MYO7B: variants seen among roughly 807,000 people sequenced by gnomAD.
MYO7B encodes unconventional myosin-VIIb.
Under a neutral mutation model 259.7 loss-of-function variants are expected in MYO7B, and 212 were observed. The ratio of observed to expected loss-of-function variants is 0.82; its 90% CI spans 0.73 to 0.91. The LOEUF is 0.91. Among genes scored for constraint, MYO7B ranks in the 40% least tolerant of loss-of-function variants. The pLI is 0.00. For synonymous variants in MYO7B, 1,197 were observed against 1,166.4 expected, an observed-to-expected ratio of 1.03 and a Z score of -0.54; for missense variants, 2,732 against 2,813.5, an observed-to-expected ratio of 0.97 and a Z score of 0.66.
At chr2:127,536,479 T>TGGGGGGGGGGGGGGGGGGGGGGGGG in intron 1 of MYO7B, among the ~76,000 whole-genome samples, 1 of 27,066 alleles carries the variant, frequency 3.7e-5, no homozygotes, top group East Asian at 1.3e-3. Context: ...GGGGGGGGGG[T>TGGGGGGGGGGGGGGGGGGGGGGGGG]GGGGGAAGAG....
intron 29 of MYO7B, 68 bp downstream of exon 29, chr2:127,623,443 A>C: frequency 3.5e-6 from 5 of 1,441,778 alleles, no homozygotes; most frequent in Non-Finnish European, 4.6e-6. Flanking sequence ...CCTGAGGCTC[A>C]AGCCCTCTCA....
Position 127,611,111 on chromosome 2 carries a change from G to A in MYO7B, c.3192+1095G>A, listed in dbSNP as rs1321233009. On this transcript the variant is annotated intron_variant, in intron 24 of 47. Coordinates refer to ENST00000409816, the MANE Select transcript of MYO7B (RefSeq NM_001393586.1). The surrounding 1 kb of genome is among the most constrained non-coding windows in gnomAD (Gnocchi z 5.4). ...ACAGCTGGAGGGGCTGCTCCTAAGA[G>A]GGCTCACTCACATGGCTGTTGGTGG... Among the ~76,000 whole-genome samples the A allele has an allele frequency of 6.6e-6, 1 of 152,240 alleles. No individual in the cohort carries two copies. Among genetic ancestry groups the A allele is most frequent in the African/African-American group, 2.4e-5 (1 of 41,464 alleles).
At position 127,634,673 on chromosome 2, in the gene MYO7B, C is replaced by G; in HGVS notation, c.5703C>G (p.Pro1901=). The G allele has an allele frequency of 6.2e-6, 10 of 1,612,144 alleles. No homozygotes were observed. Among genetic ancestry groups the G allele is most frequent in the Non-Finnish European group, 8.5e-6 (10 of 1,179,120 alleles). Residue 1901 remains proline, a synonymous_variant, in exon 42 of 48, where the codon CCC becomes CCG. Transcript: ENST00000409816. ...CTGACTGGGTGAAGAAGAACAAGCC[C>G]CAGAAAGAAGGTGAGGAGGCCTCTG... ...EVSDWVKKNK[P]QKEGAPVTLP... is the part of the protein sequence containing the mutation.
At chr2:127,604,830 T>C (rs776945878) in intron 19 of MYO7B, among the ~76,000 whole-genome samples, 142 of 152,310 alleles carry the variant, frequency 9.3e-4, no homozygotes, top group South Asian at 1.9e-3. Context: ...TCCCATCTTA[T>C]ATGGGTGCAG....
intron 19 of MYO7B, among the ~76,000 whole-genome samples, chr2:127,604,259 A>G (rs1358955317): frequency 6.6e-6 from 1 of 152,242 alleles, no homozygotes; most frequent in East Asian, 1.9e-4. Flanking sequence ...CTTTTATGTT[A>G]TAGAAGTGGC....
intron 1 of MYO7B, among the ~76,000 whole-genome samples, chr2:127,537,711 G>GAGGAGA (rs1692843177): frequency 2.0e-5 from 3 of 151,752 alleles, no homozygotes; most frequent in East Asian, 1.9e-4. Flanking sequence ...GGAGGAGGGG[G>GAGGAGA]AGGAGAAGGA....
At chr2:127,582,495 T>G in intron 12 of MYO7B, 49 bp downstream of exon 12, 1 of 1,598,242 alleles carries the variant, frequency 6.3e-7, no homozygotes, top group Non-Finnish European at 8.5e-7. Context: ...AAACAGAAGA[T>G]AAGCAGCTCC....
intron 1 of MYO7B, among the ~76,000 whole-genome samples, chr2:127,554,220 G>A (rs942586327): frequency 5.9e-5 from 9 of 151,968 alleles, no homozygotes; most frequent in South Asian, 4.2e-4. Flanking sequence ...GATTACAGGC[G>A]TGTGCCACCA....
intron 24 of MYO7B, among the ~76,000 whole-genome samples, chr2:127,610,248 G>A (rs906845840): frequency 1.3e-5 from 2 of 152,108 alleles, no homozygotes; most frequent in African/African-American, 2.4e-5. Flanking sequence ...AGTCATTAAC[G>A]GAGAGGGTGC....
chr2:127,545,901 C>A (rs1693210004), intron 1 of MYO7B, among the ~76,000 whole-genome samples: 1 of 152,220 alleles, frequency 6.6e-6, no homozygotes, highest in South Asian at 2.1e-4. Context: ...TTTCTGGGGT[C>A]CAACTGGGGC....
intron 2 of MYO7B, among the ~76,000 whole-genome samples, 158 bp from the exon 3 acceptor site, chr2:127,563,991 GAGAA>G (rs1240235229): frequency 2.0e-5 from 3 of 152,200 alleles, no homozygotes; most frequent in Non-Finnish European, 2.9e-5. Context: ...AGTGAGCAGG[GAGAA>G]AGAGAGATGG....
intron 19 of MYO7B, among the ~76,000 whole-genome samples, chr2:127,605,332 C>T (rs1291089574): frequency 1.3e-5 from 2 of 152,240 alleles, no homozygotes; most frequent in Non-Finnish European, 2.9e-5. Context: ...CACAGTGGCT[C>T]ACGCCTGTAA....
rs1680498483 is a variant in MYO7B at position 127,614,472 on chromosome 2, T to G, written c.3398+1869T>G. 6.6e-6 allele frequency among the ~76,000 whole-genome samples: 1 copy of G among 152,168 alleles called. No homozygotes were observed. The highest frequency in any genetic ancestry group is 1.5e-5 in the Non-Finnish European group (1 of 68,028). On this transcript the variant is annotated intron_variant, in intron 26 of 47. Coordinates refer to ENST00000409816, the MANE Select transcript of MYO7B (RefSeq NM_001393586.1). The surrounding 1 kb of genome is among the most constrained non-coding windows in gnomAD (Gnocchi z 4.6). ...CCTCTCTCCTCCTTGCCCATCAGGA[T>G]GGGCTCAGAATTCTCCAGGAACAAG...
chr2:127,544,823 A>T (rs1213729089), intron 1 of MYO7B, among the ~76,000 whole-genome samples: 1 of 149,228 alleles, frequency 6.7e-6, no homozygotes, highest in East Asian at 2.0e-4. Flanking sequence ...CTCGTGATCC[A>T]CCCGCCTCGG....
Position 127,636,617 on chromosome 2 carries a change from C to T in MYO7B, c.6196C>T (p.Pro2066Ser). The T allele has an allele frequency of 1.2e-6, 2 of 1,612,530 alleles. No individual in the cohort carries two copies. The highest frequency in any genetic ancestry group is 1.7e-6 in the Non-Finnish European group (2 of 1,179,264). The change falls in exon 46 of 48, where the codon CCC becomes TCC. Residue 2066 changes from proline (P) to serine (S), a missense_variant. Pro to Ser is a moderately conservative substitution (Grantham distance 74). This residue lies in a region of MYO7B where 821 missense variants were observed against 769.3 expected (regional missense o/e 1.07). Transcript: ENST00000409816. This position sits in a 1 kb window ranked among gnomAD's most constrained non-coding sequence, Gnocchi z 4.5. ...CCGACATGGGGTTCTGCTCATCCAC[C>T]CCAAGACCAAGGTAGCTGCTGGGCC... ...INRHGVLLIH[P>S]KTKDLLTTYP...
chr2:127,564,303 C>T (rs774983032), intron 3 of MYO7B, 37 bp downstream of exon 3: 1 of 1,477,878 alleles, frequency 6.8e-7, no homozygotes. Flanking sequence ...CCCTGCCCTG[C>T]CCTCACATCC....
At chr2:127,565,587 A>G (rs1186742400) in intron 4 of MYO7B, among the ~76,000 whole-genome samples, 1 of 152,230 alleles carries the variant, frequency 6.6e-6, no homozygotes, top group Non-Finnish European at 1.5e-5. Flanking sequence ...GAGGAAGCCA[A>G]TGCGTAGAGT....
chr2:127,619,260 C>T (rs1239393914), intron 26 of MYO7B, among the ~76,000 whole-genome samples: 83 of 70,414 alleles, frequency 1.2e-3, no homozygotes, highest in African/African-American at 4.8e-3. Context: ...GGGTTGTGGC[C>T]AGTTGGATGG....
intron 5 of MYO7B, among the ~76,000 whole-genome samples, chr2:127,568,646 C>T (rs771232748): frequency 4.6e-5 from 7 of 152,190 alleles, no homozygotes; most frequent in Non-Finnish European, 1.0e-4. Context: ...CTTGTAATCC[C>T]AGCACTTTGG....
Sources: gnomAD v4.1 joint callset for allele counts (sites outside exome capture counted in the v4.1 genomes callset) on GRCh38, gnomAD v4.1.1 for gene constraint, gnomAD v4.1.1 regional missense constraint, Gnocchi (gnomAD v3.1) non-coding constraint, MANE v1.5 for transcripts, NCBI Gene and HGNC (gene_info 2026-07-23, HGNC 2026-07-21) for gene names.